MAP7: variants seen among roughly 807,000 people sequenced by gnomAD.
MAP7 encodes the protein microtubule associated protein 7, also known as ensconsin.
A neutral mutation model predicts 94.8 loss-of-function variants in MAP7; 52 were observed. The observed-to-expected ratio is 0.55, with a 90% confidence interval of 0.44 to 0.69. MAP7 has a LOEUF of 0.69. Among genes scored for constraint, MAP7 ranks in the 30% least tolerant of loss-of-function variants. MAP7 has a pLI of 0.00. For synonymous variants in MAP7, 350 were observed against 357.0 expected (o/e 0.98, Z 0.22); for missense variants, 940 against 964.6 (o/e 0.97, Z 0.34).
intron 8 of MAP7, among the ~76,000 whole-genome samples, chr6:136,368,802 T>C (rs1794938026): frequency 1.3e-5 from 2 of 152,236 alleles, no homozygotes; most frequent in Admixed American, 6.5e-5. Flanking sequence ...TTAGAAGATT[T>C]AATACTGTTA....
Position 136,451,080 on chromosome 6 carries a change from T to C in MAP7, c.68-29281A>G, listed in dbSNP as rs78720867. On this transcript the variant is annotated intron_variant, in intron 1 of 17. Coordinates refer to ENST00000354570, the MANE Select transcript of MAP7 (RefSeq NM_003980.6). ...CCATTTGTAAAGGTGTCTCCATCTC[T>C]GTACCAGAAAGAAAGGGATGGCTCT... 0.012 allele frequency among the ~76,000 whole-genome samples: 1,882 copies of C among 152,344 alleles called. 83 individuals are homozygous for C. The East Asian group carries it at 0.14, about 11-fold the overall frequency.
At position 136,540,241 on chromosome 6, in the gene MAP7, TA is replaced by T. The variant is rs1829194506; in HGVS notation, c.67+10100del. ...AAAGGTCGTACTTGGGTCAACTATT[TA>T]TAGACAGAAGAAACAAGGTCCAGTC... is the stretch of plus-strand genomic sequence containing the variant. On this transcript the variant is annotated intron_variant, in intron 1 of 17. Coordinates refer to ENST00000354570, the MANE Select transcript of MAP7 (RefSeq NM_003980.6). Among the ~76,000 whole-genome samples the T allele has an allele frequency of 2.0e-5, 3 of 152,272 alleles. No individual in the cohort carries two copies. The South Asian group carries it at 6.2e-4, about 32-fold the overall frequency.
At position 136,345,984 on chromosome 6, in the gene MAP7, G is replaced by A; in HGVS notation, c.2111C>T (p.Pro704Leu). 6.2e-7 allele frequency: 1 copy of A among 1,610,640 alleles called. No homozygotes were observed. The highest frequency in any genetic ancestry group is 8.5e-7 in the Non-Finnish European group (1 of 1,176,892). ...ACTGTTGGTGACATCTAATCTGGATGGTTTAGATCCAATGGGTAAGTTTAT... is the reference window on the plus strand; with the variant it reads ...ACTGTTGGTGACATCTAATCTGGATAGTTTAGATCCAATGGGTAAGTTTAT... The part of the protein sequence containing the change: ...EIINLPIGSK[P>L]SRLDVTNSES... The change falls in exon 17 of 18, where the codon CCA (proline) becomes CTA (leucine). Residue 704 changes from proline to leucine, a missense_variant. Pro to Leu is a moderately conservative substitution (Grantham distance 98, BLOSUM62 -3). Coordinates refer to ENST00000354570, the MANE Select transcript of MAP7 (RefSeq NM_003980.6).
At chr6:136,480,676 A>G (rs1350839191) in intron 1 of MAP7, among the ~76,000 whole-genome samples, 1 of 150,970 alleles carries the variant, frequency 6.6e-6, no homozygotes, top group East Asian at 1.9e-4. Context: ...AAAAGAAAAG[A>G]AAACGTTGGG....
chr6:136,441,263 G>T (rs1797785153), intron 1 of MAP7, among the ~76,000 whole-genome samples: 2 of 152,060 alleles, frequency 1.3e-5, no homozygotes, highest in Admixed American at 1.3e-4. Flanking sequence ...AAATTAAGAG[G>T]CAGTATATTT....
chr6:136,436,664 G>C (rs1796458443), intron 1 of MAP7, among the ~76,000 whole-genome samples: 1 of 152,194 alleles, frequency 6.6e-6, no homozygotes, highest in Non-Finnish European at 1.5e-5. Flanking sequence ...ACAGGTGTGA[G>C]CTACCACATC....
intron 1 of MAP7, among the ~76,000 whole-genome samples, chr6:136,440,288 C>T (rs150201883): frequency 6.6e-6 from 1 of 152,198 alleles, no homozygotes; most frequent in East Asian, 1.9e-4. Flanking sequence ...CATAGAAATA[C>T]ATAATTAAAA....
At position 136,514,521 on chromosome 6, in the gene MAP7, G is replaced by A. The variant is rs796834350; in HGVS notation, c.67+35821C>T. Reference sequence around the variant, plus strand: ...GAATAGCTTGAACCCAGGAGGCAGAGGTTACAGTGAGCTGAGATCACAGCA... The same window carrying A: ...GAATAGCTTGAACCCAGGAGGCAGAAGTTACAGTGAGCTGAGATCACAGCA... On this transcript the variant is annotated intron_variant, in intron 1 of 17. Transcript: ENST00000354570. 4.8e-5 allele frequency among the ~76,000 whole-genome samples: 7 copies of A among 145,546 alleles called. 1 individual carries two copies. The highest frequency in any genetic ancestry group is 1.8e-4 in the African/African-American group (7 of 38,640).
intron 1 of MAP7, among the ~76,000 whole-genome samples, chr6:136,501,625 A>T (rs1819851593): frequency 6.6e-6 from 1 of 152,032 alleles, no homozygotes; most frequent in Non-Finnish European, 1.5e-5. Flanking sequence ...TACCCTAGTT[A>T]TTTATCCAAT....
chr6:136,525,087 G>A (rs775696015), intron 1 of MAP7, among the ~76,000 whole-genome samples: 103 of 152,248 alleles, frequency 6.8e-4, no homozygotes, highest in Non-Finnish European at 4.9e-4. Context: ...GAGGGCAGCT[G>A]TGAGACAATG....
At chr6:136,408,651 A>T (rs1357462268) in intron 3 of MAP7, among the ~76,000 whole-genome samples, 7 of 152,154 alleles carry the variant, frequency 4.6e-5, no homozygotes, top group Non-Finnish European at 7.3e-5. Flanking sequence ...GATTTTTTTT[A>T]ACTTGAAAAC....
chr6:136,450,771 C>A, intron 1 of MAP7, among the ~76,000 whole-genome samples: 1 of 150,016 alleles, frequency 6.7e-6, no homozygotes, highest in Non-Finnish European at 1.5e-5. Flanking sequence ...GCAACAAGAG[C>A]AAAACTCCAT....
At chr6:136,542,332 A>G (rs1362141925) in intron 1 of MAP7, among the ~76,000 whole-genome samples, 1 of 152,342 alleles carries the variant, frequency 6.6e-6, no homozygotes, top group Non-Finnish European at 1.5e-5. Flanking sequence ...TACCATTCAC[A>G]TTTAGCTTAC....
At chr6:136,462,972 A>G (rs1433951237) in intron 1 of MAP7, among the ~76,000 whole-genome samples, 1 of 145,220 alleles carries the variant, frequency 6.9e-6, no homozygotes, top group Non-Finnish European at 1.5e-5. Flanking sequence ...AAAAAAAAAG[A>G]AAACAAAAAA....
intron 3 of MAP7, among the ~76,000 whole-genome samples, chr6:136,394,930 T>TAATATATATATA (rs1781876004): frequency 9.3e-5 from 1 of 10,754 alleles, no homozygotes. Flanking sequence ...TAATATTCCA[T>TAATATATATATA]CATATATATA....
At chr6:136,476,784 T>C (rs1226578963) in intron 1 of MAP7, among the ~76,000 whole-genome samples, 1 of 152,222 alleles carries the variant, frequency 6.6e-6, no homozygotes, top group East Asian at 1.9e-4. Context: ...TGTGTGTATA[T>C]ATATACAAAT....
At position 136,364,692 on chromosome 6, in the gene MAP7, G is replaced by A. The variant is rs369033717; in HGVS notation, c.1273+1043C>T. ...TCTCTCTTCCAGGTCACTCACTCTG[G>A]CAGAAGCCAGCAGAGCAAGCAGATA... On this transcript the variant is annotated intron_variant, in intron 10 of 17. Coordinates refer to ENST00000354570, the MANE Select transcript of MAP7 (RefSeq NM_003980.6). 1.2e-4 allele frequency: 20 copies of A among 164,292 alleles called. 1 individual carries two copies. In the East Asian group the frequency reaches 1.9e-3, roughly 16 times the overall value. The allele number at this position is 164,292 out of a possible 1,614,324, so 10.2% of individuals were successfully genotyped here.
chr6:136,505,273 GTGTGTATATA>G (rs1183847690), intron 1 of MAP7, among the ~76,000 whole-genome samples: 7 of 69,806 alleles, frequency 1.0e-4, no homozygotes, highest in Admixed American at 3.4e-4. Flanking sequence ...GTGTGTGTGT[GTGTGTATATA>G]TATATATATA....
At chr6:136,401,408 T>G (rs1353137644) in intron 3 of MAP7, among the ~76,000 whole-genome samples, 2 of 152,150 alleles carry the variant, frequency 1.3e-5, no homozygotes, top group East Asian at 3.9e-4. Flanking sequence ...TAGACTCGAT[T>G]AAGAAAATGT....
Sources: gnomAD v4.1 joint callset for allele counts (sites outside exome capture counted in the v4.1 genomes callset) on GRCh38, gnomAD v4.1.1 for gene constraint, MANE v1.5 for transcripts, NCBI Gene and HGNC (gene_info 2026-07-23, HGNC 2026-07-21) for gene names.